NBAS: variants seen among roughly 807,000 people sequenced by gnomAD.
The protein encoded by NBAS is NAG/BC035112 fusion.
In NBAS, 219 loss-of-function variants were observed where a neutral mutation model predicts 302.5. The observed-to-expected ratio is 0.72, with a 90% CI of 0.65 to 0.81. NBAS has a LOEUF of 0.81. Among genes scored for constraint, NBAS ranks in the 30% least tolerant of loss-of-function variants. The pLI is 0.00. For missense variants in NBAS, 2,932 were observed against 2,841.6 expected (o/e 1.03, Z -0.72); for synonymous variants, 1,118 against 1,021.6 (o/e 1.09, Z -1.80).
intron 44 of NBAS, among the ~76,000 whole-genome samples, chr2:15,269,407 G>C (rs1446787442): frequency 6.6e-6 from 1 of 152,152 alleles, no homozygotes; most frequent in Non-Finnish European, 1.5e-5. Context: ...AGCTGAAGTT[G>C]CTGCTTTTTG....
chr2:14,790,669 G>GA, the NBAS span, among the ~76,000 whole-genome samples: 10 of 44,618 alleles, frequency 2.2e-4, no homozygotes, highest in Admixed American at 7.3e-4. Context: ...TTTTTTTTTT[G>GA]AGACAGAGTT....
Position 15,292,762 on chromosome 2 carries a change from T to C in NBAS, c.4802A>G (p.Asp1601Gly), listed in dbSNP as rs1435538042. 1.2e-6 allele frequency: 2 copies of C among 1,613,994 alleles called. No homozygotes were observed. The highest frequency in any genetic ancestry group is 2.2e-5 in the East Asian group (1 of 44,868). Residue 1601 changes from aspartate (D) to glycine (G), a missense_variant, in exon 41 of 52, where the codon GAT (aspartate) becomes GGT (glycine). Physicochemically the swap from Asp to Gly is moderately conservative, Grantham distance 94 (BLOSUM62 -1). Transcript: ENST00000281513. Reference sequence around the variant, plus strand: ...GACCATCTTGATTAGTTCTTTGGGATCAGCCTATGAAAGACATGGAAAAGA... The same window carrying C: ...GACCATCTTGATTAGTTCTTTGGGACCAGCCTATGAAAGACATGGAAAAGA... Reference protein sequence around the residue: ...RDKCHPLYRADPKELIKMVTR... With the variant: ...RDKCHPLYRAGPKELIKMVTR...
chr2:15,057,316 A>AAAAAAC, the NBAS span, among the ~76,000 whole-genome samples: 10 of 151,738 alleles, frequency 6.6e-5, no homozygotes, highest in Non-Finnish European at 1.3e-4. Context: ...AGAAATTTGA[A>AAAAAAC]AAAAAAAAAA....
chr2:15,324,586 G>A (rs74521654), intron 38 of NBAS, among the ~76,000 whole-genome samples: 7,801 of 152,160 alleles, frequency 0.051, 285 homozygotes, highest in African/African-American at 0.099. Flanking sequence ...CAATTCCAGT[G>A]CCTCTGGGTT....
the NBAS span, among the ~76,000 whole-genome samples, chr2:15,112,219 A>G: frequency 6.6e-6 from 1 of 151,842 alleles, no homozygotes; most frequent in Non-Finnish European, 1.5e-5. Context: ...TTAGAAAAAA[A>G]TAGGAAATGA....
At chr2:15,162,067 A>G (rs1572379148), downstream of NBAS, among the ~76,000 whole-genome samples, 1 of 152,262 alleles carries the variant, frequency 6.6e-6, no homozygotes, top group Non-Finnish European at 1.5e-5. Flanking sequence ...ACAACAGCAG[A>G]GAGGTGTGGA....
the NBAS span, among the ~76,000 whole-genome samples, chr2:14,869,264 G>A: frequency 6.6e-6 from 1 of 152,134 alleles, no homozygotes; most frequent in African/African-American, 2.4e-5. Flanking sequence ...GCTCAGAAGT[G>A]TGAGAGTTTT....
chr2:14,780,989 T>A, the NBAS span, among the ~76,000 whole-genome samples: 1,619 of 152,294 alleles, frequency 0.011, 30 homozygotes, highest in African/African-American at 0.036. Context: ...AGAGAGACAA[T>A]TCTATTTAAA....
chr2:15,032,156 C>T, the NBAS span, among the ~76,000 whole-genome samples: 9 of 152,276 alleles, frequency 5.9e-5, no homozygotes, highest in Middle Eastern at 3.4e-3. Flanking sequence ...TTGCTATGGA[C>T]TAGATGTTTG....
the NBAS span, among the ~76,000 whole-genome samples, chr2:14,820,731 T>TAG: frequency 6.6e-6 from 1 of 151,188 alleles, no homozygotes; most frequent in African/African-American, 2.4e-5. Context: ...ATGGAAGGAG[T>TAG]AGATACAACA....
At chr2:15,114,487 TG>T in the NBAS span, among the ~76,000 whole-genome samples, 1 of 152,228 alleles carries the variant, frequency 6.6e-6, no homozygotes, top group Non-Finnish European at 1.5e-5. Flanking sequence ...AGTCACATTC[TG>T]AAGTATTCGA....
the NBAS span, among the ~76,000 whole-genome samples, chr2:15,103,235 C>T: frequency 6.6e-6 from 1 of 152,074 alleles, no homozygotes; most frequent in Non-Finnish European, 1.5e-5. Flanking sequence ...CTATACTTCC[C>T]CACACGTCAA....
chr2:15,454,403 A>T (rs190053270), intron 21 of NBAS, among the ~76,000 whole-genome samples: 253 of 146,918 alleles, frequency 1.7e-3, no homozygotes, highest in African/African-American at 6.0e-3. Flanking sequence ...GATATTAGTT[A>T]AAAAAAAAAA....
intron 21 of NBAS, among the ~76,000 whole-genome samples, chr2:15,430,550 A>G (rs1436116444): frequency 2.6e-5 from 4 of 152,232 alleles, no homozygotes; most frequent in Non-Finnish European, 2.9e-5. Context: ...AATGTAGTAG[A>G]TATTATCTTC....
Position 15,396,400 on chromosome 2 carries a change from T to G in NBAS, c.3134+13A>C. On this transcript the variant is annotated intron_variant, in intron 27 of 51. Transcript: ENST00000281513. ...TAAGCATGGAGAAAAAAAAAAACTGTCATTTTTCTCACCTGAGAATTTGTT... is the reference window on the plus strand; with the variant it reads ...TAAGCATGGAGAAAAAAAAAAACTGGCATTTTTCTCACCTGAGAATTTGTT... 1 of 1,600,980 alleles carries G rather than the reference T, an allele frequency of 6.2e-7. No individual in the cohort carries two copies. Among genetic ancestry groups the G allele is most frequent in the Non-Finnish European group, 8.5e-7 (1 of 1,173,574 alleles).
chr2:14,945,032 G>A, the NBAS span, among the ~76,000 whole-genome samples: 2 of 152,172 alleles, frequency 1.3e-5, no homozygotes, highest in Non-Finnish European at 2.9e-5. Context: ...CCCCATCCCT[G>A]GAAACTCTAC....
the NBAS span, among the ~76,000 whole-genome samples, chr2:15,160,986 G>T: frequency 6.6e-6 from 1 of 152,174 alleles, no homozygotes; most frequent in African/African-American, 2.4e-5. Context: ...GAGATAACTG[G>T]ATGCTGCCTC....
chr2:15,559,062 C>CAA (rs70961421), intron 1 of NBAS, among the ~76,000 whole-genome samples: 723 of 50,364 alleles, frequency 0.014, 36 homozygotes, highest in African/African-American at 0.05. Flanking sequence ...GACCCTGCCT[C>CAA]AAAAAAAAAA....
chr2:15,466,392 G>C (rs1679726064), intron 19 of NBAS, among the ~76,000 whole-genome samples: 1 of 152,156 alleles, frequency 6.6e-6, no homozygotes, highest in Non-Finnish European at 1.5e-5. Context: ...GAGAACTTCA[G>C]CTATAAGAGT....
Sources: gnomAD v4.1 joint callset for allele counts (sites outside exome capture counted in the v4.1 genomes callset) on GRCh38, gnomAD v4.1.1 for gene constraint, MANE v1.5 for transcripts, NCBI Gene and HGNC (gene_info 2026-07-23, HGNC 2026-07-21) for gene names.